OSBPL10: variants seen among roughly 807,000 people sequenced by gnomAD.
OSBPL10 encodes the protein oxysterol-binding protein-related protein 10.
A neutral mutation model predicts 81.7 loss-of-function variants in OSBPL10; 49 were observed. The ratio of observed to expected loss-of-function variants is 0.60; its 90% CI spans 0.48 to 0.76. The LOEUF is 0.76. Among genes scored for constraint, OSBPL10 ranks in the 30% least tolerant of loss-of-function variants. OSBPL10 has a pLI of 0.00. For missense variants in OSBPL10, 923 were observed against 987.8 expected, an observed-to-expected ratio of 0.93 and a Z score of 0.88; for synonymous variants, 419 against 383.6, an observed-to-expected ratio of 1.09 and a Z score of -1.08.
intron 3 of OSBPL10, among the ~76,000 whole-genome samples, chr3:31,867,954 A>G (rs1024626160): frequency 6.6e-6 from 1 of 152,202 alleles, no homozygotes; most frequent in African/African-American, 2.4e-5. Flanking sequence ...CAAACATAGA[A>G]TAGGTCTATG....
At chr3:31,663,794 T>A in intron 11 of OSBPL10, 18 of 1,339,748 alleles carry the variant, frequency 1.3e-5, no homozygotes, top group Non-Finnish European at 1.6e-5. Context: ...TGCAGTCCCA[T>A]CGCGATCCCT....
At chr3:31,681,655 C>T (rs76481782) in intron 8 of OSBPL10, among the ~76,000 whole-genome samples, 6,416 of 152,248 alleles carry the variant, frequency 0.042, 343 homozygotes, top group East Asian at 0.3. Flanking sequence ...TCACTTGCCT[C>T]GCAAGGAGCA....
chr3:31,879,964 C>A (rs1695510491), intron 1 of OSBPL10, 134 bp from the exon 2 acceptor site: 9 of 921,860 alleles, frequency 9.8e-6, no homozygotes, highest in Non-Finnish European at 1.4e-5. Context: ...AAAGTCCCTC[C>A]CAGATGCCCA....
At chr3:31,673,976 G>C (rs931416709) in intron 8 of OSBPL10, among the ~76,000 whole-genome samples, 1 of 151,942 alleles carries the variant, frequency 6.6e-6, no homozygotes, top group Non-Finnish European at 1.5e-5. Flanking sequence ...ATAGAGACAA[G>C]GTCTCCCTGT....
chr3:32,059,050 G>C (rs1342276567), intron 1 of OSBPL10, among the ~76,000 whole-genome samples: 1 of 152,160 alleles, frequency 6.6e-6, no homozygotes, highest in Non-Finnish European at 1.5e-5. Context: ...TGTAATACCA[G>C]CACTTTGGGA....
At chr3:31,875,573 G>GA (rs1179144778) in intron 3 of OSBPL10, among the ~76,000 whole-genome samples, 34 of 129,694 alleles carry the variant, frequency 2.6e-4, no homozygotes, top group African/African-American at 8.6e-4. Flanking sequence ...AAAAAAAAAA[G>GA]CATTATGAAG....
At chr3:31,887,567 T>C (rs369735644) in intron 1 of OSBPL10, among the ~76,000 whole-genome samples, 88 of 152,244 alleles carry the variant, frequency 5.8e-4, no homozygotes, top group African/African-American at 2.0e-3. Flanking sequence ...CAAAATATGC[T>C]CAACCTAGAG....
At chr3:31,851,700 G>A (rs372783322) in intron 3 of OSBPL10, among the ~76,000 whole-genome samples, 5 of 152,368 alleles carry the variant, frequency 3.3e-5, no homozygotes, top group African/African-American at 1.2e-4. Flanking sequence ...TCAGCAACAT[G>A]TGCCAGAAGT....
chr3:31,718,927 A>G (rs1419246405), intron 6 of OSBPL10: 2 of 152,218 alleles, frequency 1.3e-5, no homozygotes, highest in African/African-American at 2.4e-5. Context: ...AAGTGAGGGT[A>G]GGAAAACTAC....
intron 2 of OSBPL10, chr3:31,991,263 G>C (rs770593826): frequency 1.1e-4 from 38 of 339,850 alleles, no homozygotes; most frequent in Non-Finnish European, 1.6e-4. Flanking sequence ...CTGGCCAAAA[G>C]ACGTGAGCCA....
At chr3:31,716,170 C>T (rs1696426460) in intron 6 of OSBPL10, among the ~76,000 whole-genome samples, 3 of 152,266 alleles carry the variant, frequency 2.0e-5, no homozygotes, top group African/African-American at 7.2e-5. Flanking sequence ...GGGGGCAGGG[C>T]AGAGACCAGT....
chr3:32,067,430 C>A (rs554062352), intron 1 of OSBPL10, among the ~76,000 whole-genome samples: 4 of 152,250 alleles, frequency 2.6e-5, no homozygotes, highest in African/African-American at 7.2e-5. Flanking sequence ...CAGGGATCTG[C>A]ATTGACAAAT....
rs1698826885 is a variant in OSBPL10, at chr3:31,981,061, A to T, written c.119T>A (p.Val40Asp). The change falls in exon 1 of 12, where the codon GTC becomes GAC. Residue 40 changes from valine to aspartate, a missense_variant. This residue lies in a region of OSBPL10 where 514 missense variants were observed against 508.0 expected (regional missense o/e 1.01). Coordinates refer to ENST00000396556, the MANE Select transcript of OSBPL10 (RefSeq NM_017784.5). The surrounding 1 kb of genome is among the most constrained non-coding windows in gnomAD (Gnocchi z 4.5). The stretch of plus-strand genomic sequence containing the variant: ...CCCGGCCGCCGCCGACCGGCTGGAG[A>T]CCCCCCGGCCCGCCAGAGAGCAGGA... ...SPSCSLAGRG[V>D]SSRSAAAGLG... is the part of the protein sequence containing the mutation. The T allele has an allele frequency of 6.7e-7, 1 of 1,484,984 alleles. No individual in the cohort carries two copies. The highest frequency in any genetic ancestry group is 8.9e-7 in the Non-Finnish European group (1 of 1,121,820). The allele number at this position is 1,484,984 out of a possible 1,614,324, so 92.0% of individuals were successfully genotyped here.
intron 5 of OSBPL10, among the ~76,000 whole-genome samples, chr3:31,743,453 A>G (rs1697421052): frequency 6.6e-6 from 1 of 152,208 alleles, no homozygotes; most frequent in South Asian, 2.1e-4. Context: ...TGGGAGCCCA[A>G]ATGTATAGAT....
In OSBPL10 at chr3:31,787,406, C is replaced by T. The variant is rs955180910; in HGVS notation, c.730-39286G>A. Among the ~76,000 whole-genome samples the T allele has an allele frequency of 5.9e-5, 9 of 152,162 alleles. No individual in the cohort carries two copies. The East Asian group carries it at 9.7e-4, about 16-fold the overall frequency. On this transcript the variant is annotated intron_variant, in intron 4 of 11. Transcript: ENST00000396556. ...GGTCAGGAGTTCCAGACCAGCCTGGCCAATATGGTGAAACCTTATCTCTAC... is the reference window on the plus strand; with the variant it reads ...GGTCAGGAGTTCCAGACCAGCCTGGTCAATATGGTGAAACCTTATCTCTAC...
chr3:31,843,960 G>A (rs1237095717), intron 3 of OSBPL10, among the ~76,000 whole-genome samples: 1 of 152,196 alleles, frequency 6.6e-6, no homozygotes, highest in Non-Finnish European at 1.5e-5. Flanking sequence ...GGGCAGATGA[G>A]GCAAGGGACA....
chr3:31,762,933 A>T (rs1231238210), intron 4 of OSBPL10, among the ~76,000 whole-genome samples: 1 of 152,108 alleles, frequency 6.6e-6, no homozygotes, highest in Non-Finnish European at 1.5e-5. Context: ...GTTCCTACAG[A>T]TCACAGCACA....
chr3:31,738,124 G>A (rs550326947), intron 5 of OSBPL10, among the ~76,000 whole-genome samples: 324 of 152,060 alleles, frequency 2.1e-3, no homozygotes, highest in African/African-American at 7.2e-3. Context: ...ATAAATACAT[G>A]TCCTGGGCTG....
intron 4 of OSBPL10, among the ~76,000 whole-genome samples, chr3:31,769,898 C>A (rs1205812931): frequency 5.4e-5 from 3 of 55,064 alleles, no homozygotes; most frequent in Non-Finnish European, 1.1e-4. Context: ...TCATGGATCC[C>A]CTAAGAAGGT....
Sources: gnomAD v4.1 joint callset for allele counts (sites outside exome capture counted in the v4.1 genomes callset) on GRCh38, gnomAD v4.1.1 for gene constraint, gnomAD v4.1.1 regional missense constraint, Gnocchi (gnomAD v3.1) non-coding constraint, MANE v1.5 for transcripts, NCBI Gene and HGNC (gene_info 2026-07-23, HGNC 2026-07-21) for gene names.